Variants in MCTP2 observed in about 807,000 individuals in gnomAD.
MCTP2 encodes the protein multiple C2 and transmembrane domain-containing protein 2.
In MCTP2, 132 loss-of-function variants were observed where a neutral mutation model predicts 111.6. The ratio of observed to expected loss-of-function variants is 1.18; its 90% CI spans 1.03 to 1.37. The LOEUF (loss-of-function observed/expected upper bound fraction) is 1.37, where lower values mean the gene tolerates loss of function less well. MCTP2 is among the 40% of genes most tolerant of loss of function. The pLI, the probability that MCTP2 is intolerant of heterozygous loss-of-function variation, is 0.00. For missense variants in MCTP2, 1,183 were observed against 1,067.9 expected (o/e 1.11, Z -1.50); for synonymous variants, 395 against 387.7 (o/e 1.02, Z -0.22).
chr15:94,231,439 T>C (rs2070157391), upstream of MCTP2: 1 of 152,186 alleles, frequency 6.6e-6, no homozygotes, highest in East Asian at 1.9e-4. Context: ...GGCGCTTGGG[T>C]CGGAGGCTGC....
intron 12 of MCTP2, 145 bp from the exon 13 acceptor site, chr15:94,383,877 C>A: frequency 1.6e-6 from 1 of 620,336 alleles, no homozygotes; most frequent in Non-Finnish European, 2.9e-6. Context: ...CCTGGATTCC[C>A]ACACAGGGCC....
intron 2 of MCTP2, among the ~76,000 whole-genome samples, chr15:94,305,638 A>C (rs567894988): frequency 6.6e-6 from 1 of 152,342 alleles, no homozygotes; most frequent in African/African-American, 2.4e-5. Flanking sequence ...GCCTTTCTGC[A>C]AACCTTGCTT....
At position 94,281,184 on chromosome 15, in the gene MCTP2, G is replaced by T. The variant is rs577174981; in HGVS notation, c.-65-17017G>T. Reference sequence around the variant, plus strand: ...GTCAGTGGTTTGAAGTCTCCCCCTAGTATTGTGTGGATATCTAATTCTAGG... The same window carrying T: ...GTCAGTGGTTTGAAGTCTCCCCCTATTATTGTGTGGATATCTAATTCTAGG... On this transcript the variant is annotated intron_variant, in intron 1 of 22. Transcript: ENST00000357742. 3.9e-5 allele frequency among the ~76,000 whole-genome samples: 6 copies of T among 152,210 alleles called. No homozygotes were observed. The South Asian group carries it at 1.2e-3, about 32-fold the overall frequency.
intron 10 of MCTP2, among the ~76,000 whole-genome samples, chr15:94,361,941 C>T (rs1020097922): frequency 6.6e-6 from 1 of 152,082 alleles, no homozygotes; most frequent in Non-Finnish European, 1.5e-5. Context: ...ATGGACCTGC[C>T]CCGTAGGCCC....
intron 17 of MCTP2, among the ~76,000 whole-genome samples, chr15:94,438,352 A>G (rs56285778): frequency 1.3e-3 from 192 of 152,246 alleles, no homozygotes; most frequent in Non-Finnish European, 2.5e-3. Flanking sequence ...TGAGGTGGAA[A>G]AAATTCACAT....
At chr15:94,294,748 C>T (rs547716394) in intron 1 of MCTP2, among the ~76,000 whole-genome samples, 125 of 152,202 alleles carry the variant, frequency 8.2e-4, no homozygotes, top group Admixed American at 2.2e-3. Context: ...TAGGAGATTT[C>T]CCTCAAAGGG....
At chr15:94,435,571 G>A (rs914618063) in intron 17 of MCTP2, among the ~76,000 whole-genome samples, 1 of 150,532 alleles carries the variant, frequency 6.6e-6, no homozygotes, top group African/African-American at 2.4e-5. Context: ...AGATTCCTTA[G>A]GATTTTGTAC....
intron 16 of MCTP2, among the ~76,000 whole-genome samples, chr15:94,401,245 C>T (rs1567630132): frequency 6.6e-6 from 1 of 152,136 alleles, no homozygotes; most frequent in Non-Finnish European, 1.5e-5. Flanking sequence ...GGAAACGTTT[C>T]CTTAGGATAT....
rs190047229 is a variant in MCTP2, at chr15:94,428,600, G to C, written c.2086-11576G>C. 1.6e-4 allele frequency among the ~76,000 whole-genome samples: 24 copies of C among 152,030 alleles called. No individual in the cohort carries two copies. In the East Asian group the frequency reaches 2.7e-3, roughly 17 times the overall value. On this transcript the variant is annotated intron_variant, in intron 17 of 22. Transcript: ENST00000357742. ...ATATATTGCTTTTTCTCGGTTCTCT[G>C]TTTAACCCCTTTCTCCACCCCAGAC... is the stretch of plus-strand genomic sequence containing the variant.
At chr15:94,339,961 C>T (rs1482190890) in intron 5 of MCTP2, among the ~76,000 whole-genome samples, 1 of 152,152 alleles carries the variant, frequency 6.6e-6, no homozygotes, top group African/African-American at 2.4e-5. Context: ...GATATAAATA[C>T]TGCCTTAAAA....
intron 17 of MCTP2, among the ~76,000 whole-genome samples, chr15:94,406,765 T>A (rs2081916537): frequency 6.6e-6 from 1 of 152,092 alleles, no homozygotes; most frequent in Non-Finnish European, 1.5e-5. Flanking sequence ...GGAATGCTTT[T>A]AGATGATGTA....
At chr15:94,243,095 A>G (rs1440472358) in intron 1 of MCTP2, among the ~76,000 whole-genome samples, 1 of 141,940 alleles carries the variant, frequency 7.0e-6, no homozygotes, top group Admixed American at 6.8e-5. Context: ...ATATACGTGT[A>G]TATGTGTATC....
chr15:94,303,766 T>G (rs2152343874), intron 2 of MCTP2, among the ~76,000 whole-genome samples: 1 of 152,300 alleles, frequency 6.6e-6, no homozygotes, highest in South Asian at 2.1e-4. Context: ...ACTGAAATCC[T>G]TCCCATACTT....
chr15:94,419,937 C>T (rs151006662), intron 17 of MCTP2, among the ~76,000 whole-genome samples: 328 of 152,206 alleles, frequency 2.2e-3, no homozygotes, highest in African/African-American at 7.6e-3. Flanking sequence ...AAGAAGATGC[C>T]ATCTAGGACT....
intron 9 of MCTP2, 111 bp downstream of exon 9, chr15:94,356,412 G>T (rs547726863): frequency 2.0e-6 from 2 of 996,752 alleles, no homozygotes; most frequent in Non-Finnish European, 2.8e-6. Flanking sequence ...TGTTCAGCCC[G>T]CCTAACTATA....
At chr15:94,266,464 C>T (rs1318304034) in intron 1 of MCTP2, among the ~76,000 whole-genome samples, 2 of 151,590 alleles carry the variant, frequency 1.3e-5, no homozygotes, top group Non-Finnish European at 2.9e-5. Flanking sequence ...AAATTCTTGG[C>T]TCAATAAATA....
At chr15:94,308,585 A>G (rs1462009604) in intron 2 of MCTP2, among the ~76,000 whole-genome samples, 1 of 152,266 alleles carries the variant, frequency 6.6e-6, no homozygotes, top group Non-Finnish European at 1.5e-5. Flanking sequence ...GAAAGTGCTC[A>G]GCGATGTACA....
At chr15:94,392,995 G>C (rs551693806) in intron 14 of MCTP2, among the ~76,000 whole-genome samples, 5 of 151,976 alleles carry the variant, frequency 3.3e-5, no homozygotes, top group African/African-American at 1.2e-4. Flanking sequence ...TTTTATGTCC[G>C]TTTTGAGCAA....
At chr15:94,251,451 C>T (rs1048668889) in intron 1 of MCTP2, among the ~76,000 whole-genome samples, 8 of 152,078 alleles carry the variant, frequency 5.3e-5, no homozygotes, top group African/African-American at 1.7e-4. Context: ...CTCCACCTCC[C>T]GGGTTCAAGC....
Sources: gnomAD v4.1 joint callset for allele counts (sites outside exome capture counted in the v4.1 genomes callset) on GRCh38, gnomAD v4.1.1 for gene constraint, MANE v1.5 for transcripts, NCBI Gene and HGNC (gene_info 2026-07-23, HGNC 2026-07-21) for gene names.